Variants in MMP26 observed in about 807,000 individuals in gnomAD.
MMP26 encodes the protein matrix metallopeptidase 26.
Under a neutral mutation model 31.0 loss-of-function variants are expected in MMP26, and 33 were observed. The ratio of observed to expected loss-of-function variants is 1.06; its 90% CI spans 0.81 to 1.42. The LOEUF (loss-of-function observed/expected upper bound fraction) is 1.42. Ranked by LOEUF, MMP26 falls within the 40% of genes most tolerant of loss-of-function variation. MMP26 has a pLI of 0.00. For missense variants in MMP26, 347 were observed against 316.1 expected (o/e 1.10, Z -0.74); for synonymous variants, 122 against 114.9 (o/e 1.06, Z -0.40).
At chr11:4,935,529 C>A (rs1174501939) in intron 2 of MMP26, among the ~76,000 whole-genome samples, 1 of 151,416 alleles carries the variant, frequency 6.6e-6, no homozygotes, top group African/African-American at 2.4e-5. Context: ...CAAACAGGGA[C>A]AATTTGACTT....
At chr11:4,881,536 C>T (rs1043985675) in intron 2 of MMP26, among the ~76,000 whole-genome samples, 18 of 152,092 alleles carry the variant, frequency 1.2e-4, no homozygotes, top group Admixed American at 1.0e-3. Context: ...ATCTCTACCC[C>T]TCCTGTACAT....
At chr11:4,741,792 A>C (rs1370497629) in intron 1 of MMP26, among the ~76,000 whole-genome samples, 2 of 152,154 alleles carry the variant, frequency 1.3e-5, no homozygotes, top group African/African-American at 4.8e-5. Context: ...TAAAACAACA[A>C]CAACAACAAC....
At chr11:4,832,881 G>T (rs374290873) in intron 2 of MMP26, 1 of 196,504 alleles carries the variant, frequency 5.1e-6, no homozygotes, top group Admixed American at 4.6e-5. Flanking sequence ...TGCTGTACTC[G>T]TCTTCTATGT....
At chr11:4,868,411 C>T (rs1052687718) in intron 2 of MMP26, among the ~76,000 whole-genome samples, 3 of 152,030 alleles carry the variant, frequency 2.0e-5, no homozygotes, top group African/African-American at 7.2e-5. Context: ...ACAAGCATTC[C>T]TATACACCAA....
chr11:4,829,958 G>T (rs533361802), intron 2 of MMP26, among the ~76,000 whole-genome samples: 16 of 152,286 alleles, frequency 1.1e-4, no homozygotes, highest in African/African-American at 3.6e-4. Flanking sequence ...GATCACATCA[G>T]TTAAAGCCGT....
chr11:4,745,893 A>G (rs2133296461), intron 1 of MMP26, among the ~76,000 whole-genome samples: 1 of 152,322 alleles, frequency 6.6e-6, no homozygotes, highest in East Asian at 1.9e-4. Flanking sequence ...TCCACCTAGT[A>G]GTAAGTATTT....
chr11:4,844,750 G>A (rs532363236), intron 2 of MMP26, among the ~76,000 whole-genome samples: 2 of 152,138 alleles, frequency 1.3e-5, no homozygotes, highest in East Asian at 3.9e-4. Flanking sequence ...GGTATAGAAG[G>A]AACATATCTC....
intron 2 of MMP26, among the ~76,000 whole-genome samples, chr11:4,924,644 G>A (rs1045911789): frequency 2.6e-5 from 4 of 152,180 alleles, no homozygotes; most frequent in Non-Finnish European, 4.4e-5. Flanking sequence ...TTGGGACTTC[G>A]TTCTGAGAGA....
chr11:4,964,742 A>C (rs1035435967), intron 2 of MMP26, among the ~76,000 whole-genome samples: 7 of 152,192 alleles, frequency 4.6e-5, no homozygotes, highest in African/African-American at 1.7e-4. Context: ...GCAGCTGTAA[A>C]ATGAATGAGA....
At chr11:4,805,074 A>G (rs1276945069) in intron 2 of MMP26, among the ~76,000 whole-genome samples, 2 of 152,178 alleles carry the variant, frequency 1.3e-5, no homozygotes, top group African/African-American at 2.4e-5. Flanking sequence ...CTTCAGTTCT[A>G]TAGAACTAAC....
rs1848032944 is a variant in MMP26 at position 4,722,783 on chromosome 11, G to A, written c.-217+17738G>A. ...ACTCGGACACCAGCTTCCCTTCGTG[G>A]GTCTCGATATTCTTCACAACCACGG... On this transcript the variant is annotated intron_variant, in intron 1 of 7. Coordinates refer to ENST00000380390, the MANE Select transcript of MMP26 (RefSeq NM_021801.5). 6.0e-6 allele frequency: 6 copies of A among 1,002,544 alleles called. No individual in the cohort carries two copies. The East Asian group carries it at 1.2e-4, about 20-fold the overall frequency. 62.1% of individuals were successfully genotyped at this position (1,002,544 alleles called of 1,614,324 possible). A position where few individuals can be genotyped will look rare whatever the true frequency, so the allele number is the denominator to read the frequency against.
At chr11:4,920,796 A>C (rs1851172362) in intron 2 of MMP26, among the ~76,000 whole-genome samples, 1 of 152,082 alleles carries the variant, frequency 6.6e-6, no homozygotes, top group Non-Finnish European at 1.5e-5. Flanking sequence ...TCATATGTTG[A>C]TTCTCCATAA....
At chr11:4,956,247 C>T (rs1846441386) in intron 2 of MMP26, among the ~76,000 whole-genome samples, 1 of 152,148 alleles carries the variant, frequency 6.6e-6, no homozygotes, top group East Asian at 1.9e-4. Context: ...AAACCCAAGG[C>T]ATTGCTGAAT....
intron 2 of MMP26, chr11:4,915,205 A>C (rs753625418): frequency 1.2e-6 from 2 of 1,613,940 alleles, no homozygotes; most frequent in Non-Finnish European, 1.7e-6. Context: ...TACGACCCAG[A>C]GAGACCAGGC....
chr11:4,742,220 T>G (rs1848323893), intron 1 of MMP26, among the ~76,000 whole-genome samples: 1 of 152,218 alleles, frequency 6.6e-6, no homozygotes, highest in South Asian at 2.1e-4. Context: ...AAATTAAATG[T>G]TAATCACAAC....
intron 2 of MMP26, among the ~76,000 whole-genome samples, chr11:4,823,276 G>A (rs915826729): frequency 4.6e-5 from 7 of 152,110 alleles, no homozygotes; most frequent in Non-Finnish European, 8.8e-5. Flanking sequence ...CACATCACAT[G>A]CAGACTTTCT....
At chr11:4,864,177 C>A (rs1408322546) in intron 2 of MMP26, among the ~76,000 whole-genome samples, 1 of 152,178 alleles carries the variant, frequency 6.6e-6, no homozygotes, top group African/African-American at 2.4e-5. Flanking sequence ...AAAAAAAGAT[C>A]TTTGAATTAG....
At chr11:4,900,675 T>C (rs1850787116) in intron 2 of MMP26, among the ~76,000 whole-genome samples, 1 of 152,218 alleles carries the variant, frequency 6.6e-6, no homozygotes. Flanking sequence ...ATGATGAACA[T>C]TGATCTTTTA....
intron 2 of MMP26, among the ~76,000 whole-genome samples, chr11:4,938,879 C>G (rs1014169395): frequency 1.3e-5 from 2 of 152,082 alleles, no homozygotes; most frequent in East Asian, 3.9e-4. Flanking sequence ...TGTAGTCTTA[C>G]CCTCCTTCCT....
Sources: allele counts gnomAD v4.1 joint callset (sites outside exome capture counted in the v4.1 genomes callset), GRCh38; gene constraint gnomAD v4.1.1; transcripts MANE v1.5; gene names NCBI Gene and HGNC (gene_info 2026-07-23, HGNC 2026-07-21).